Variants in NR4A1 observed in about 807,000 individuals in gnomAD.
NR4A1 encodes the protein nuclear receptor subfamily 4immunitygroup A member 1.
NR4A1 carries 24 observed loss-of-function variants against 47.5 expected under a neutral mutation model. The observed-to-expected ratio is 0.50, with a 90% confidence interval of 0.37 to 0.71. The LOEUF is 0.71. Among genes scored for constraint, NR4A1 ranks in the 30% least tolerant of loss-of-function variants. The pLI is 0.00. For synonymous variants in NR4A1, 353 were observed against 345.7 expected (o/e 1.02, Z -0.24); for missense variants, 669 against 788.6 (o/e 0.85, Z 1.82).
intron 1 of NR4A1, among the ~76,000 whole-genome samples, chr12:52,023,715 G>T (rs1937938262): frequency 6.6e-6 from 1 of 151,750 alleles, no homozygotes; most frequent in African/African-American, 2.4e-5. Context: ...TCCTCCTCCT[G>T]CCCCGGCCCA....
intron 1 of NR4A1, among the ~76,000 whole-genome samples, chr12:52,032,220 A>T (rs2120926951): frequency 6.6e-6 from 1 of 152,352 alleles, no homozygotes; most frequent in South Asian, 2.1e-4. Context: ...CTGAGTAAAG[A>T]AGACCGCCCT....
chr12:52,049,692 G>A (rs180934118), upstream of NR4A1, among the ~76,000 whole-genome samples: 1 of 152,156 alleles, frequency 6.6e-6, no homozygotes, highest in Non-Finnish European at 1.5e-5. Flanking sequence ...GGAGAGGAAA[G>A]GACCCAAGAG....
chr12:52,029,504 A>AGAGTGAAACC (rs1938072048), intron 1 of NR4A1, among the ~76,000 whole-genome samples: 1 of 152,196 alleles, frequency 6.6e-6, no homozygotes, highest in African/African-American at 2.4e-5. Flanking sequence ...CCTGGGCAAC[A>AGAGTGAAACC]GAGTGAAACC....
In NR4A1 at chr12:52,054,650, G is replaced by A. The variant is rs1169705328; in HGVS notation, c.322G>A (p.Val108Met). 5 of 1,614,014 alleles carry A rather than the reference G, an allele frequency of 3.1e-6. No individual in the cohort carries two copies. Among genetic ancestry groups the A allele is most frequent in the Non-Finnish European group, 3.4e-6 (4 of 1,180,038 alleles). Residue 108 changes from valine (V) to methionine (M), a missense_variant, in exon 2 of 7, where the codon GTG becomes ATG. Transcript: ENST00000394825. The part of the protein sequence containing the change: ...SASFKFEDFQ[V>M]YGCYPGPLSG... Reference sequence around the variant, plus strand: ...CTCCTTCAAGTTCGAGGACTTCCAGGTGTACGGCTGCTACCCCGGCCCCCT... The same window carrying A: ...CTCCTTCAAGTTCGAGGACTTCCAGATGTACGGCTGCTACCCCGGCCCCCT...
intron 1 of NR4A1, among the ~76,000 whole-genome samples, chr12:52,030,524 G>T (rs1938099928): frequency 6.6e-6 from 1 of 152,208 alleles, no homozygotes; most frequent in African/African-American, 2.4e-5. Flanking sequence ...CACCTCTCAG[G>T]TTCAAGTGGT....
chr12:52,036,799 C>T (rs1565640691), intron 1 of NR4A1, among the ~76,000 whole-genome samples: 4 of 152,094 alleles, frequency 2.6e-5, no homozygotes. Flanking sequence ...AGCCGAATCG[C>T]TGTGACTTTG....
intron 2 of NR4A1, chr12:52,041,968 CAGGTGGGGTTGGGGGGCAG>C: frequency 7.8e-7 from 1 of 1,288,884 alleles, no homozygotes; most frequent in Non-Finnish European, 9.9e-7. Flanking sequence ...ACCCCTCCAG[CAGGTGGGGTTGGGGGGCAG>C]AGGTGGGGGT....
intron 2 of NR4A1, chr12:52,043,567 TG>T: frequency 1.8e-6 from 1 of 570,868 alleles, no homozygotes; most frequent in Non-Finnish European, 2.6e-6. Flanking sequence ...ACGCTCATGC[TG>T]GGGCTCCCGT....
At chr12:52,039,425 G>A (rs1411353010) in intron 1 of NR4A1, among the ~76,000 whole-genome samples, 1 of 152,214 alleles carries the variant, frequency 6.6e-6, no homozygotes, top group Non-Finnish European at 1.5e-5. Flanking sequence ...CTTCCTGTGG[G>A]CCAGTGCAGG....
upstream of NR4A1, among the ~76,000 whole-genome samples, chr12:52,047,989 C>T (rs1213932344): frequency 6.6e-6 from 1 of 151,570 alleles, no homozygotes; most frequent in Non-Finnish European, 1.5e-5. Context: ...CCCGTCTCTA[C>T]TAAAAATACA....
intron 1 of NR4A1, chr12:52,038,782 GGT>G: frequency 1.3e-6 from 1 of 762,528 alleles, no homozygotes; most frequent in Non-Finnish European, 2.4e-6. Flanking sequence ...CGAGATTAAC[GGT>G]GTGAATGTGA....
chr12:52,032,550 T>A (rs754137072), intron 1 of NR4A1, among the ~76,000 whole-genome samples: 8 of 152,236 alleles, frequency 5.3e-5, no homozygotes, highest in Non-Finnish European at 8.8e-5. Flanking sequence ...TTACTGCTTA[T>A]GTGCAAGATT....
At chr12:52,023,650 G>C (rs923569791) in intron 1 of NR4A1, among the ~76,000 whole-genome samples, 2 of 150,948 alleles carry the variant, frequency 1.3e-5, no homozygotes, top group Non-Finnish European at 3.0e-5. Context: ...CTGGCCCGCC[G>C]GTGACCTCCC....
At chr12:52,023,552 C>T (rs1024321551) in intron 1 of NR4A1, among the ~76,000 whole-genome samples, 1 of 152,122 alleles carries the variant, frequency 6.6e-6, no homozygotes, top group Admixed American at 6.5e-5. Context: ...TCCCCTCGCA[C>T]TAGCCCGCCC....
At chr12:52,041,802 C>T in intron 1 of NR4A1, 1 of 1,363,948 alleles carries the variant, frequency 7.3e-7, no homozygotes, top group Non-Finnish European at 9.5e-7. Flanking sequence ...TCGACTCTCC[C>T]TCTGTAGGCC....
At chr12:52,034,252 G>A (rs1304518886) in intron 1 of NR4A1, among the ~76,000 whole-genome samples, 6 of 152,222 alleles carry the variant, frequency 3.9e-5, no homozygotes, top group African/African-American at 1.4e-4. Context: ...CTTGAGACTA[G>A]TCCTCTAGAT....
rs557694983 is a variant in NR4A1 at position 52,031,877 on chromosome 12, A to G, written c.-84+8938A>G. ...TCACTGCAACCTTCGGCTCACTGCA[A>G]TTTCCGTCTCCTGGGTTCAAGCAAT... On this transcript the variant is annotated intron_variant, in intron 1 of 7. Coordinates refer to the NR4A1 transcript ENST00000360284. Among the ~76,000 whole-genome samples, 5 of 150,778 alleles carry G rather than the reference A, an allele frequency of 3.3e-5. No individual in the cohort carries two copies. The South Asian group carries it at 8.4e-4, about 25-fold the overall frequency.
At chr12:52,055,495 C>T (rs1258389554) in intron 2 of NR4A1, 12 of 580,172 alleles carry the variant, frequency 2.1e-5, no homozygotes, top group African/African-American at 9.4e-5. Context: ...TGGTTTTCCT[C>T]TGCTCCTCTG....
In NR4A1 at chr12:52,036,995, G is replaced by C. The variant is rs114747272; in HGVS notation, c.-83-4815G>C. 2.8e-4 allele frequency among the ~76,000 whole-genome samples: 43 copies of C among 152,262 alleles called. No homozygotes were observed. The East Asian group carries it at 2.9e-3, about 10-fold the overall frequency. ...GGTTATGTAACCGGGTGTGCGGCGTGGGGGGAGCCGCGGGGCGGGGCGCTC... is the reference window on the plus strand; with the variant it reads ...GGTTATGTAACCGGGTGTGCGGCGTCGGGGGAGCCGCGGGGCGGGGCGCTC... On this transcript the variant is annotated intron_variant, in intron 1 of 7. Transcript: ENST00000360284.
Sources: allele counts gnomAD v4.1 joint callset (sites outside exome capture counted in the v4.1 genomes callset), GRCh38; gene constraint gnomAD v4.1.1; transcripts MANE v1.5; gene names NCBI Gene and HGNC (gene_info 2026-07-23, HGNC 2026-07-21).